Variants in MYCBP2 observed in about 807,000 individuals in gnomAD.
MYCBP2 encodes the protein E3 ubiquitin-protein ligase MYCBP2.
MYCBP2 carries 120 observed loss-of-function variants against 525.3 expected under a neutral mutation model. The ratio of observed to expected loss-of-function variants is 0.23; its 90% CI spans 0.20 to 0.27. The LOEUF (loss-of-function observed/expected upper bound fraction) is 0.27, where lower values mean the gene tolerates loss of function less well. MYCBP2 is among the 10% of genes least tolerant of loss of function. MYCBP2 has a pLI of 1.00. For missense variants in MYCBP2, 4,149 were observed against 5,657.1 expected, an observed-to-expected ratio of 0.73 and a Z score of 8.55; for synonymous variants, 1,894 against 1,955.8, an observed-to-expected ratio of 0.97 and a Z score of 0.83.
intron 20 of MYCBP2, among the ~76,000 whole-genome samples, chr13:77,223,586 C>G (rs1226233097): frequency 6.6e-6 from 1 of 152,120 alleles, no homozygotes; most frequent in Admixed American, 6.6e-5. Flanking sequence ...ATTTCTCACG[C>G]AAGAAGCATG....
At chr13:77,288,083 A>T in intron 3 of MYCBP2, 78 bp downstream of exon 3, 1 of 1,344,774 alleles carries the variant, frequency 7.4e-7, no homozygotes, top group African/African-American at 1.5e-5. Flanking sequence ...AAAGTATTTT[A>T]GCAATGCGTA....
chr13:77,254,108 G>A (rs1334737096), intron 14 of MYCBP2, among the ~76,000 whole-genome samples: 1 of 151,258 alleles, frequency 6.6e-6, no homozygotes, highest in Non-Finnish European at 1.5e-5. Flanking sequence ...CTAACAGAAT[G>A]ATGAGAAAAA....
intron 29 of MYCBP2, 99 bp from the exon 30 acceptor site, chr13:77,189,146 T>TAA: frequency 1.3e-6 from 1 of 776,872 alleles, no homozygotes. Flanking sequence ...AAATAAATTA[T>TAA]ATATTTAAAT....
At chr13:77,103,110 T>C (rs2047322481) in intron 55 of MYCBP2, 1 of 394,360 alleles carries the variant, frequency 2.5e-6, no homozygotes. Context: ...ATTAAAAAAA[T>C]GGAATGGCAT....
chr13:77,056,102 GTGTGTGTGTGTGTGTGTGTGT>G (rs2037941634), intron 79 of MYCBP2, among the ~76,000 whole-genome samples: 4 of 50,972 alleles, frequency 7.8e-5, no homozygotes, highest in African/African-American at 2.3e-4. Context: ...TGTGTTTGGT[GTGTGTGTGTGTGTGTGTGTGT>G]GTGTGTGTGT....
chr13:77,251,207 A>C lies in MYCBP2; in HGVS notation c.2325T>G (p.Cys775Trp). 1 of 1,614,204 alleles carries C rather than the reference A, an allele frequency of 6.2e-7. No individual in the cohort carries two copies. ...TGACACAGCTGGCTCCATAACCTGT[A>C]CAGTCTCCACAGACAGTGCAAACCA... ...QCMVCTVCGD[C>W]TGYGASCVSS... The change falls in exon 15 of 83, where the codon TGT becomes TGG. Residue 775 changes from cysteine to tryptophan, a missense_variant. This residue lies in a region of MYCBP2 where 620 missense variants were observed against 795.5 expected (regional missense o/e 0.78). Coordinates refer to ENST00000544440, the MANE Select transcript of MYCBP2 (RefSeq NM_015057.5).
chr13:77,278,628 C>A, intron 4 of MYCBP2, 130 bp downstream of exon 4: 1 of 745,356 alleles, frequency 1.3e-6, no homozygotes, highest in Non-Finnish European at 1.9e-6. Context: ...ACATCTATCA[C>A]CTCAAGTACT....
At chr13:77,225,294 C>A in intron 19 of MYCBP2, 141 bp downstream of exon 19, 1 of 1,021,530 alleles carries the variant, frequency 9.8e-7, no homozygotes, top group Non-Finnish European at 1.4e-6. Context: ...GTAATAAATA[C>A]AAAGGTCTTA....
In MYCBP2 at chr13:77,206,787, G is replaced by A. The variant is rs143420440; in HGVS notation, c.3455C>T (p.Ala1152Val). The A allele has an allele frequency of 1.7e-4, 281 of 1,610,568 alleles. 1 individual carries two copies. The Admixed American group carries it at 4.1e-3, about 23-fold the overall frequency. ...PNTRELWCYN[A>V]VVADARLPSA... is the part of the protein sequence containing the mutation. ...GGGAAGCCTGGCATCAGCAACCACC[G>A]CATTGTAACACCACAGCTCTCTAGT... Residue 1152 changes from alanine to valine, a missense_variant, in exon 24 of 83, where the codon GCG (alanine) becomes GTG (valine). By Grantham distance (64) the Ala-to-Val change is moderately conservative. Around this residue, in one of 21 missense-constraint regions of MYCBP2, gnomAD observed 620 missense variants for 795.5 expected, o/e 0.78. Coordinates refer to ENST00000544440, the MANE Select transcript of MYCBP2 (RefSeq NM_015057.5).
At chr13:77,291,365 C>T (rs543911906) in intron 2 of MYCBP2, among the ~76,000 whole-genome samples, 36 of 152,228 alleles carry the variant, frequency 2.4e-4, no homozygotes, top group African/African-American at 8.2e-4. Context: ...ATTTAAAAAG[C>T]GAATACCATA....
intron 47 of MYCBP2, 82 bp downstream of exon 47, chr13:77,150,652 G>A: frequency 9.1e-7 from 1 of 1,101,624 alleles, no homozygotes. Context: ...ACAATTTCAT[G>A]TCTGCATCTG....
chr13:77,055,693 T>C lies in MYCBP2; in HGVS notation c.13512A>G (p.Lys4504=). The part of the protein sequence containing the change: ...IKELYEDVRR[K]ALMRLEYEGL... ...CTTCATATTCCAATCTCATTAAGGCTTTTCTTCTGACATCCTCATAGAGTT... is the reference window on the plus strand; with the variant it reads ...CTTCATATTCCAATCTCATTAAGGCCTTTCTTCTGACATCCTCATAGAGTT... Residue 4504 remains lysine, a synonymous_variant, in exon 80 of 83, where the codon AAA becomes AAG. Coordinates refer to ENST00000544440, the MANE Select transcript of MYCBP2 (RefSeq NM_015057.5). The C allele has an allele frequency of 1.2e-6, 2 of 1,614,052 alleles. No homozygotes were observed. The highest frequency in any genetic ancestry group is 1.7e-6 in the Non-Finnish European group (2 of 1,179,958).
At chr13:77,104,856 A>G (rs1219524591) in intron 55 of MYCBP2, among the ~76,000 whole-genome samples, 2 of 152,144 alleles carry the variant, frequency 1.3e-5, no homozygotes, top group African/African-American at 4.8e-5. Context: ...ATACCATGGC[A>G]TAAAGCCATC....
intron 52 of MYCBP2, among the ~76,000 whole-genome samples, chr13:77,126,980 A>G (rs2051784997): frequency 6.6e-6 from 1 of 152,102 alleles, no homozygotes; most frequent in African/African-American, 2.4e-5. Context: ...CCATGTTGAA[A>G]TAATTATTTA....
At chr13:77,082,266 A>G (rs1332582853) in intron 63 of MYCBP2, 3 of 304,536 alleles carry the variant, frequency 9.9e-6, no homozygotes, top group African/African-American at 6.5e-5. Context: ...ACAGAAGCAA[A>G]AAGGGTAATG....
intron 1 of MYCBP2, among the ~76,000 whole-genome samples, chr13:77,321,043 A>T (rs1404317907): frequency 6.6e-6 from 1 of 152,152 alleles, no homozygotes; most frequent in East Asian, 1.9e-4. Context: ...TAGTTTCAGG[A>T]CTCTTCAAAT....
Position 77,130,409 on chromosome 13 carries a change from A to G in MYCBP2, c.7660-3867T>C, listed in dbSNP as rs2052550197. ...CTAGTTCTATATTTTCCATATCCATATATATATATGGATATATACATATAT... is the reference window on the plus strand; with the variant it reads ...CTAGTTCTATATTTTCCATATCCATGTATATATATGGATATATACATATAT... On this transcript the variant is annotated intron_variant, in intron 52 of 82. Transcript: ENST00000544440. 2.0e-5 allele frequency among the ~76,000 whole-genome samples: 3 copies of G among 151,664 alleles called. No homozygotes were observed. In the South Asian group the frequency reaches 6.2e-4, roughly 31 times the overall value.
intron 68 of MYCBP2, among the ~76,000 whole-genome samples, chr13:77,072,564 A>T (rs908581061): frequency 1.3e-5 from 2 of 152,126 alleles, no homozygotes; most frequent in African/African-American, 2.4e-5. Flanking sequence ...GTGATTATTA[A>T]AAGAAGCAAA....
intron 55 of MYCBP2, among the ~76,000 whole-genome samples, chr13:77,115,800 G>C (rs191956493): frequency 1.3e-4 from 19 of 151,544 alleles, no homozygotes; most frequent in African/African-American, 4.6e-4. Flanking sequence ...CCAGGATCTT[G>C]AGTTATGACA....
Sources: gnomAD v4.1 joint callset for allele counts (sites outside exome capture counted in the v4.1 genomes callset) on GRCh38, gnomAD v4.1.1 for gene constraint, gnomAD v4.1.1 regional missense constraint, MANE v1.5 for transcripts, NCBI Gene and HGNC (gene_info 2026-07-23, HGNC 2026-07-21) for gene names.